PCDH11Y: variants seen among roughly 807,000 people sequenced by gnomAD.
The protein encoded by PCDH11Y is protocadherin 11 Y-linked.
For missense variants in PCDH11Y, 12 were observed against 224.8 expected, an observed-to-expected ratio of 0.05 and a Z score of 6.05; for synonymous variants, 9 against 83.6, an observed-to-expected ratio of 0.11 and a Z score of 4.87.
In PCDH11Y at chrY:5,194,622, G is replaced by A. The variant is rs1369066524; in HGVS notation, c.3129+93915G>A. The stretch of plus-strand genomic sequence containing the variant: ...GTAAAATAAGTAAAATAATGTGTCC[G>A]GAATTGGTTCTTTCCGGTGGGTTCT... On this transcript the variant is annotated intron_variant, in intron 2 of 4. Coordinates refer to the PCDH11Y transcript ENST00000400457. 8.5e-4 allele frequency among the ~76,000 whole-genome samples: 27 copies of A among 31,612 alleles called. No individual in the cohort carries two copies. The East Asian group carries it at 0.021, about 24-fold the overall frequency. 84.8% of individuals were successfully genotyped at this position (31,612 alleles called of 37,273 possible). A position where few individuals can be genotyped will look rare whatever the true frequency, so the allele number is the denominator to read the frequency against.
intron 4 of PCDH11Y, among the ~76,000 whole-genome samples, chrY:5,590,741 G>A (rs1427851671): frequency 1.4e-4 from 5 of 36,654 alleles, no homozygotes. Flanking sequence ...GGTCCACTTC[G>A]TGCTCTACTC....
At chrY:5,047,789 G>T in intron 3 of PCDH11Y, among the ~76,000 whole-genome samples, 1 of 33,457 alleles carries the variant, frequency 3.0e-5, no homozygotes, top group Non-Finnish European at 7.4e-5. Context: ...GCTGAACCCA[G>T]TACATGCTTT....
chrY:5,194,071 C>T (rs2052915679), intron 2 of PCDH11Y, among the ~76,000 whole-genome samples: 1 of 32,861 alleles, frequency 3.0e-5, no homozygotes, highest in East Asian at 8.0e-4. Flanking sequence ...AAAAAAGTAG[C>T]ATCACATTAG....
At chrY:5,471,357 T>G in intron 2 of PCDH11Y, among the ~76,000 whole-genome samples, 2 of 32,326 alleles carry the variant, frequency 6.2e-5, no homozygotes, top group African/African-American at 2.4e-4. Flanking sequence ...ATGCTTCTGT[T>G]AACTTTATAA....
At chrY:5,299,781 C>T in intron 2 of PCDH11Y, among the ~76,000 whole-genome samples, 2 of 30,774 alleles carry the variant, frequency 6.5e-5, no homozygotes, top group Admixed American at 3.1e-4. Flanking sequence ...CTGCATCTCA[C>T]GAGGCCTCTA....
At chrY:5,371,213 T>C in intron 2 of PCDH11Y, among the ~76,000 whole-genome samples, 1 of 32,569 alleles carries the variant, frequency 3.1e-5, no homozygotes, top group Non-Finnish European at 7.5e-5. Context: ...ACTTGTGCTG[T>C]TGCATACAAC....
At chrY:5,055,022 G>T (rs2052658641), upstream of PCDH11Y, among the ~76,000 whole-genome samples, 2 of 33,071 alleles carry the variant, frequency 6.0e-5, no homozygotes, top group African/African-American at 2.3e-4. Context: ...GAAAGTCATT[G>T]AATTCATAAT....
intron 3 of PCDH11Y, among the ~76,000 whole-genome samples, chrY:5,527,060 G>A: frequency 3.1e-5 from 1 of 32,786 alleles, no homozygotes; most frequent in African/African-American, 1.2e-4. Flanking sequence ...TGGCATATGA[G>A]GGTGGAGTTT....
chrY:5,313,118 T>C, intron 2 of PCDH11Y, among the ~76,000 whole-genome samples: 1 of 32,186 alleles, frequency 3.1e-5, no homozygotes. Flanking sequence ...ATAATTCTCA[T>C]TTTCAATAAG....
intron 3 of PCDH11Y, among the ~76,000 whole-genome samples, chrY:5,538,781 C>T (rs1602940092): frequency 3.1e-5 from 1 of 32,217 alleles, no homozygotes; most frequent in Admixed American, 2.9e-4. Flanking sequence ...ACTTAGGGTA[C>T]GAGTATAGAT....
Position 5,535,916 on chromosome Y carries a change from A to C in PCDH11Y, c.3328+34661A>C, listed in dbSNP as rs377063446. ...GTCTATTTTTTTTATTTTTTATTTTATTTATTTCTTTATTTCTTTATTTTT... is the reference window on the plus strand; with the variant it reads ...GTCTATTTTTTTTATTTTTTATTTTCTTTATTTCTTTATTTCTTTATTTTT... On this transcript the variant is annotated intron_variant, in intron 3 of 4. Transcript: ENST00000400457. Among the ~76,000 whole-genome samples the C allele has an allele frequency of 5.1e-4, 16 of 31,419 alleles. No homozygotes were observed. In the East Asian group the frequency reaches 0.012, roughly 24 times the overall value. 84.3% of individuals were successfully genotyped at this position (31,419 alleles called of 37,273 possible).
intron 2 of PCDH11Y, among the ~76,000 whole-genome samples, chrY:5,494,649 A>C (rs2124687248): frequency 3.0e-5 from 1 of 33,009 alleles, no homozygotes; most frequent in African/African-American, 1.2e-4. Context: ...CTTCATAAAA[A>C]GCCTCCAGCA....
chrY:5,159,763 T>C (rs2052872875), intron 2 of PCDH11Y, among the ~76,000 whole-genome samples: 1 of 30,808 alleles, frequency 3.2e-5, no homozygotes, highest in Non-Finnish European at 7.8e-5. Context: ...TTATCCTTAG[T>C]ACCCCTCAAT....
intron 2 of PCDH11Y, among the ~76,000 whole-genome samples, chrY:5,187,923 C>A: frequency 3.0e-5 from 1 of 33,389 alleles, no homozygotes; most frequent in Admixed American, 2.7e-4. Context: ...ATACATAAAA[C>A]TTAATGCTTT....
At chrY:5,704,433 C>CT (rs2053581032) in intron 4 of PCDH11Y, among the ~76,000 whole-genome samples, 37 of 24,868 alleles carry the variant, frequency 1.5e-3, no homozygotes, top group Middle Eastern at 0.019. Context: ...TCTTTTTTTT[C>CT]TTTTTTTTTT....
At chrY:5,101,868 G>A, downstream of PCDH11Y, among the ~76,000 whole-genome samples, 14 of 33,065 alleles carry the variant, frequency 4.2e-4, no homozygotes, top group Non-Finnish European at 9.7e-4. Flanking sequence ...CCAAAAGTTC[G>A]AGATATTAAA....
At chrY:5,580,006 T>A in intron 3 of PCDH11Y, among the ~76,000 whole-genome samples, 1 of 31,720 alleles carries the variant, frequency 3.2e-5, no homozygotes, top group East Asian at 8.1e-4. Context: ...TCTCATGTGA[T>A]GAATTCGAGA....
intron 2 of PCDH11Y, among the ~76,000 whole-genome samples, chrY:5,339,327 CATTTATTT>C (rs762729992): frequency 1.0e-4 from 3 of 29,681 alleles, no homozygotes; most frequent in African/African-American, 2.6e-4. Context: ...CTGTCCTTTC[CATTTATTT>C]ATTTATTTAT....
At chrY:5,407,912 T>C in intron 2 of PCDH11Y, among the ~76,000 whole-genome samples, 1 of 3,171 alleles carries the variant, frequency 3.2e-4, no homozygotes, top group Non-Finnish European at 4.6e-4. Flanking sequence ...AGACTCCGTC[T>C]CAAAAAAAAA....
Sources: allele counts gnomAD v4.1 joint callset (sites outside exome capture counted in the v4.1 genomes callset), GRCh38; gene constraint gnomAD v4.1.1; transcripts MANE v1.5; gene names NCBI Gene and HGNC (gene_info 2026-07-23, HGNC 2026-07-21).